ADCY2: variants seen among roughly 807,000 people sequenced by gnomAD.
The protein encoded by ADCY2 is adenylate cyclase 2.
In ADCY2, 31 loss-of-function variants were observed where a neutral mutation model predicts 125.2. The observed-to-expected ratio is 0.25, with a 90% CI of 0.19 to 0.33. ADCY2 has a LOEUF of 0.33. Among genes scored for constraint, ADCY2 ranks in the 10% least tolerant of loss-of-function variants. The pLI is 1.00. For missense variants in ADCY2, 904 were observed against 1,418.2 expected, an observed-to-expected ratio of 0.64 and a Z score of 5.82; for synonymous variants, 512 against 548.4, an observed-to-expected ratio of 0.93 and a Z score of 0.93.
At chr5:7,674,956 C>G (rs908080253) in intron 4 of ADCY2, among the ~76,000 whole-genome samples, 3 of 152,024 alleles carry the variant, frequency 2.0e-5, no homozygotes, top group Non-Finnish European at 4.4e-5. Flanking sequence ...GAGATCGAGA[C>G]CATCCTGGCT....
intron 2 of ADCY2, among the ~76,000 whole-genome samples, chr5:7,511,010 C>A (rs185859007): frequency 6.6e-6 from 1 of 152,286 alleles, no homozygotes; most frequent in Non-Finnish European, 1.5e-5. Flanking sequence ...TGCTGAGAAC[C>A]TGCCTCTGCT....
intron 14 of ADCY2, among the ~76,000 whole-genome samples, chr5:7,741,652 CTCATTATCA>C (rs1742417620): frequency 1.4e-5 from 1 of 72,578 alleles, no homozygotes; most frequent in Non-Finnish European, 2.9e-5. Flanking sequence ...CATCACCATC[CTCATTATCA>C]TCATCATCAT....
At chr5:7,640,797 A>G (rs1738675342) in intron 4 of ADCY2, among the ~76,000 whole-genome samples, 1 of 152,314 alleles carries the variant, frequency 6.6e-6, no homozygotes, top group Middle Eastern at 3.4e-3. Flanking sequence ...TGTTGTCTCT[A>G]TGCAATGACT....
chr5:7,484,292 C>A (rs540787329), intron 2 of ADCY2, among the ~76,000 whole-genome samples: 1 of 152,044 alleles, frequency 6.6e-6, no homozygotes, highest in African/African-American at 2.4e-5. Flanking sequence ...TAGTAATACC[C>A]AATTAGAAAA....
In ADCY2 at chr5:7,518,961, A is replaced by G. The variant is rs566385147; in HGVS notation, c.409-1777A>G. Among the ~76,000 whole-genome samples, 20 of 152,302 alleles carry G rather than the reference A, an allele frequency of 1.3e-4. No individual in the cohort carries two copies. The East Asian group carries it at 3.9e-3, about 30-fold the overall frequency. On this transcript the variant is annotated intron_variant, in intron 2 of 24. Coordinates refer to ENST00000338316, the MANE Select transcript of ADCY2 (RefSeq NM_020546.3). ...GGCTGCATTTACAGGAGCTTCACAC[A>G]GGCTTGCAGAATGAATGCTTCTTCA...
intron 2 of ADCY2, among the ~76,000 whole-genome samples, chr5:7,459,473 G>T (rs982251581): frequency 6.6e-6 from 1 of 152,146 alleles, no homozygotes; most frequent in Admixed American, 6.5e-5. Flanking sequence ...CTCACGTTTC[G>T]AAGACAGTTT....
At chr5:7,416,413 C>T (rs1268256999) in intron 2 of ADCY2, among the ~76,000 whole-genome samples, 1 of 152,226 alleles carries the variant, frequency 6.6e-6, no homozygotes, top group Non-Finnish European at 1.5e-5. Context: ...CTCTCCCTCA[C>T]ACTCCCCGCT....
chr5:7,569,601 C>G (rs1386806216), intron 3 of ADCY2, among the ~76,000 whole-genome samples: 5 of 152,068 alleles, frequency 3.3e-5, no homozygotes, highest in African/African-American at 7.2e-5. Context: ...CCCTAATTTC[C>G]CTCCAACCCT....
intron 2 of ADCY2, among the ~76,000 whole-genome samples, chr5:7,506,244 TG>T (rs1265165161): frequency 6.6e-6 from 1 of 152,174 alleles, no homozygotes; most frequent in African/African-American, 2.4e-5. Flanking sequence ...ATGCCAAATA[TG>T]AAGTTAAAAA....
At chr5:7,692,581 T>C (rs1740738108) in intron 5 of ADCY2, among the ~76,000 whole-genome samples, 1 of 152,356 alleles carries the variant, frequency 6.6e-6, no homozygotes, top group Non-Finnish European at 1.5e-5. Flanking sequence ...AAGTGTATTA[T>C]GCTATTAATG....
At chr5:7,671,993 C>G (rs1036488652) in intron 4 of ADCY2, among the ~76,000 whole-genome samples, 3 of 152,052 alleles carry the variant, frequency 2.0e-5, no homozygotes, top group African/African-American at 4.8e-5. Context: ...GGTTTTGGTG[C>G]AGTGACTTTT....
rs576223195 is a variant in ADCY2 at position 7,448,420 on chromosome 5, G to A, written c.408+33650G>A. On this transcript the variant is annotated intron_variant, in intron 2 of 24. Coordinates refer to ENST00000338316, the MANE Select transcript of ADCY2 (RefSeq NM_020546.3). ...AGCAGATGGCTCTGACTTATTTTAT[G>A]TAAGGCCTGTAACAGCTGTAGGTGT... 5.9e-5 allele frequency among the ~76,000 whole-genome samples: 9 copies of A among 152,120 alleles called. No homozygotes were observed. In the South Asian group the frequency reaches 1.9e-3, roughly 32 times the overall value.
intron 2 of ADCY2, among the ~76,000 whole-genome samples, chr5:7,428,225 T>A (rs1579434017): frequency 6.6e-6 from 1 of 152,162 alleles, no homozygotes; most frequent in East Asian, 1.9e-4. Flanking sequence ...AGGCAAAAAA[T>A]TCATACTAGC....
chr5:7,763,744 C>G (rs1316749597), intron 16 of ADCY2, among the ~76,000 whole-genome samples: 1 of 152,178 alleles, frequency 6.6e-6, no homozygotes, highest in Non-Finnish European at 1.5e-5. Context: ...TCTGGAAGCC[C>G]CAGTCCCTCT....
chr5:7,412,187 A>C (rs913949597), intron 1 of ADCY2, among the ~76,000 whole-genome samples: 3 of 151,964 alleles, frequency 2.0e-5, no homozygotes, highest in Non-Finnish European at 4.4e-5. Context: ...TGCTCTACTA[A>C]TTGTCACTTT....
At chr5:7,702,304 G>A (rs1334798734) in intron 7 of ADCY2, among the ~76,000 whole-genome samples, 2 of 146,924 alleles carry the variant, frequency 1.4e-5, no homozygotes, top group African/African-American at 5.1e-5. Context: ...ATGTATACAT[G>A]TGCCATGTTG....
At chr5:7,816,627 G>C (rs573556770) in intron 22 of ADCY2, among the ~76,000 whole-genome samples, 5 of 152,356 alleles carry the variant, frequency 3.3e-5, no homozygotes, top group Middle Eastern at 3.4e-3. Flanking sequence ...CGCATGATGC[G>C]TTTGGCCTGA....
intron 3 of ADCY2, among the ~76,000 whole-genome samples, chr5:7,560,735 C>T (rs1735681702): frequency 6.6e-6 from 1 of 152,036 alleles, no homozygotes; most frequent in Non-Finnish European, 1.5e-5. Context: ...GTCACCCAGG[C>T]TGGAGTGCAG....
At chr5:7,754,334 ACTAG>A (rs1221520823) in intron 15 of ADCY2, among the ~76,000 whole-genome samples, 1 of 152,210 alleles carries the variant, frequency 6.6e-6, no homozygotes, top group Non-Finnish European at 1.5e-5. Context: ...CTGTGTAATA[ACTAG>A]CTAATATTTT....
Sources: gnomAD v4.1 joint callset for allele counts (sites outside exome capture counted in the v4.1 genomes callset) on GRCh38, gnomAD v4.1.1 for gene constraint, MANE v1.5 for transcripts, NCBI Gene and HGNC (gene_info 2026-07-23, HGNC 2026-07-21) for gene names.